Variants in COL26A1 observed in about 807,000 individuals in gnomAD.
The protein encoded by COL26A1 is collagen type XXVI alpha 1 chain.
COL26A1 carries 41 observed loss-of-function variants against 59.3 expected under a neutral mutation model. That is an observed-to-expected ratio of 0.69 (90% confidence interval 0.54 to 0.90). The LOEUF (loss-of-function observed/expected upper bound fraction) is 0.90. Among genes scored for constraint, COL26A1 ranks in the 40% least tolerant of loss-of-function variants. The probability of loss-of-function intolerance (pLI) is 0.00; values close to 1 mark genes in which losing one functional copy is unlikely to be tolerated. For synonymous variants in COL26A1, 266 were observed against 256.0 expected (o/e 1.04, Z -0.37); for missense variants, 612 against 602.3 (o/e 1.02, Z -0.17).
Position 101,447,799 on chromosome 7 carries a change from G to GCCCAA in COL26A1, c.385+12_385+13insCCCAA. 1 of 1,563,180 alleles carries GCCCAA rather than the reference G, an allele frequency of 6.4e-7. No homozygotes were observed. The highest frequency in any genetic ancestry group is 8.7e-7 in the Non-Finnish European group (1 of 1,145,266). On this transcript the variant is annotated intron_variant, in intron 3 of 12. Coordinates refer to ENST00000313669, the MANE Select transcript of COL26A1 (RefSeq NM_001278563.3). ...CAACTGTGATGAGGGTAAGTTGGCA[G>GCCCAA]GCACTTGGGCTGCAGGGGGCCAGGC...
At chr7:101,477,907 C>A (rs546411839) in intron 3 of COL26A1, among the ~76,000 whole-genome samples, 3 of 152,162 alleles carry the variant, frequency 2.0e-5, no homozygotes, top group Non-Finnish European at 4.4e-5. Context: ...ATTTGTTTTG[C>A]GGTTTCCACA....
In COL26A1 at chr7:101,543,979, T is replaced by C; in HGVS notation, c.605-19T>C. 6.5e-7 allele frequency: 1 copy of C among 1,531,178 alleles called. No homozygotes were observed. The highest frequency in any genetic ancestry group is 8.9e-7 in the Non-Finnish European group (1 of 1,129,348). 94.8% of individuals were successfully genotyped at this position (1,531,178 alleles called of 1,614,324 possible). ...GGGGGTCCACCATGTTCTGATGCCC[T>C]GTCTCCTTCTCTCCCCAGGGCCCCC... is the stretch of plus-strand genomic sequence containing the variant. On this transcript the variant is annotated intron_variant, in intron 5 of 12. Transcript: ENST00000313669.
intron 1 of COL26A1, among the ~76,000 whole-genome samples, chr7:101,385,060 G>C (rs767115660): frequency 5.3e-4 from 81 of 151,906 alleles, no homozygotes; most frequent in Non-Finnish European, 9.9e-4. Flanking sequence ...TTCTAGCCAC[G>C]CTGGCAGCCG....
At chr7:101,509,739 T>C (rs972021337) in intron 3 of COL26A1, among the ~76,000 whole-genome samples, 1 of 151,092 alleles carries the variant, frequency 6.6e-6, no homozygotes, top group Non-Finnish European at 1.5e-5. Flanking sequence ...GCTCTTTTAT[T>C]TTTTTTTTGA....
chr7:101,374,395 G>C (rs373349020), intron 1 of COL26A1, among the ~76,000 whole-genome samples: 1 of 152,172 alleles, frequency 6.6e-6, no homozygotes, highest in Non-Finnish European at 1.5e-5. Context: ...GACAAGTACC[G>C]GTTCAAGACC....
At chr7:101,525,843 T>C (rs1795236168) in intron 3 of COL26A1, among the ~76,000 whole-genome samples, 1 of 152,050 alleles carries the variant, frequency 6.6e-6, no homozygotes, top group African/African-American at 2.4e-5. Context: ...GAGACTTTCT[T>C]CCTTTGACCC....
chr7:101,488,377 T>TATAC (rs1396620345), intron 3 of COL26A1, among the ~76,000 whole-genome samples: 54 of 45,892 alleles, frequency 1.2e-3, no homozygotes, highest in African/African-American at 4.0e-3. Context: ...TATATATATA[T>TATAC]ACACACACAT....
chr7:101,489,799 T>C (rs946015484), intron 3 of COL26A1, among the ~76,000 whole-genome samples: 1 of 1,616 alleles, frequency 6.2e-4, no homozygotes, highest in Non-Finnish European at 1.7e-3. Flanking sequence ...TCTTTCTTTC[T>C]TTCTTTCTTT....
At chr7:101,363,293 G>C in intron 1 of COL26A1, 103 bp downstream of exon 1, 2 of 1,023,334 alleles carry the variant, frequency 2.0e-6, no homozygotes, top group Non-Finnish European at 1.3e-6. Context: ...GCTGGAGAGC[G>C]GGGCGATCCG....
At position 101,447,696 on chromosome 7, in the gene COL26A1, G is replaced by A; in HGVS notation, c.294G>A (p.Leu98=). ...GTCTGTGTGTTAGTTACAGGACTCT[G>A]ATCAGACCCACCTACAGAGTGTCCT... ...PCANLVSYRT[L]IRPTYRVSYR... is the part of the protein sequence containing the mutation. The change falls in exon 3 of 13, where the codon CTG becomes CTA. Residue 98 remains leucine (L), a synonymous_variant. Transcript: ENST00000313669. 6.3e-7 allele frequency: 1 copy of A among 1,598,738 alleles called. No homozygotes were observed. Among genetic ancestry groups the A allele is most frequent in the Non-Finnish European group, 8.5e-7 (1 of 1,172,592 alleles).
At chr7:101,387,624 T>C (rs1483544074) in intron 1 of COL26A1, among the ~76,000 whole-genome samples, 6 of 136,492 alleles carry the variant, frequency 4.4e-5, no homozygotes, top group Non-Finnish European at 7.7e-5. Context: ...AAGCATTCTC[T>C]CTCTCGCTCT....
intron 1 of COL26A1, among the ~76,000 whole-genome samples, chr7:101,408,180 A>AT (rs1226233590): frequency 5.9e-5 from 9 of 152,208 alleles, no homozygotes; most frequent in Non-Finnish European, 1.5e-5. Context: ...CCAGAGTCTA[A>AT]CATGGAGGGT....
At chr7:101,456,859 T>C (rs555895590) in intron 3 of COL26A1, among the ~76,000 whole-genome samples, 134 of 152,262 alleles carry the variant, frequency 8.8e-4, no homozygotes, top group African/African-American at 3.2e-3. Flanking sequence ...GATAAATGCA[T>C]ACTCATTTCC....
At chr7:101,428,153 A>G (rs1293801911) in intron 2 of COL26A1, among the ~76,000 whole-genome samples, 14 of 152,076 alleles carry the variant, frequency 9.2e-5, no homozygotes, top group Non-Finnish European at 1.8e-4. Flanking sequence ...GCCCTCTGAA[A>G]GAAATGACAG....
At chr7:101,550,230 G>A (rs1795831481) in intron 9 of COL26A1, among the ~76,000 whole-genome samples, 1 of 152,214 alleles carries the variant, frequency 6.6e-6, no homozygotes, top group Non-Finnish European at 1.5e-5. Context: ...GGAGGCTAAG[G>A]TGGGAGGATC....
At chr7:101,504,245 C>T (rs529450054) in intron 3 of COL26A1, among the ~76,000 whole-genome samples, 2 of 152,280 alleles carry the variant, frequency 1.3e-5, no homozygotes, top group Admixed American at 6.5e-5. Flanking sequence ...GAATTACAGG[C>T]GCGTGCCACC....
chr7:101,538,314 G>C (rs995162364), intron 4 of COL26A1, among the ~76,000 whole-genome samples: 2 of 152,214 alleles, frequency 1.3e-5, no homozygotes, highest in Non-Finnish European at 2.9e-5. Context: ...TGAGCCAGCT[G>C]TCCCCGCTCT....
intron 1 of COL26A1, among the ~76,000 whole-genome samples, chr7:101,373,264 C>G (rs573337737): frequency 6.6e-6 from 1 of 152,294 alleles, no homozygotes; most frequent in African/African-American, 2.4e-5. Context: ...TAGGCAGAGA[C>G]AGGCTACAGG....
Position 101,540,014 on chromosome 7 carries a change from C to T in COL26A1, c.569C>T (p.Pro190Leu), listed in dbSNP as rs1375447513. 6.2e-7 allele frequency: 1 copy of T among 1,613,530 alleles called. No individual in the cohort carries two copies. Among genetic ancestry groups the T allele is most frequent in the Non-Finnish European group, 8.5e-7 (1 of 1,179,818 alleles). The change falls in exon 5 of 13, where the codon CCT (proline) becomes CTT (leucine). Residue 190 changes from proline to leucine, a missense_variant. Coordinates refer to ENST00000313669, the MANE Select transcript of COL26A1 (RefSeq NM_001278563.3). Reference protein sequence around the residue: ...FLPDAIPLAHPVPRQRRPTGP... With the variant: ...FLPDAIPLAHLVPRQRRPTGP... ...CCCGACGCCATCCCTCTTGCTCACC[C>T]TGTGCCACGACAGAGAAGGCCCACG...
Sources: gnomAD v4.1 joint callset for allele counts (sites outside exome capture counted in the v4.1 genomes callset) on GRCh38, gnomAD v4.1.1 for gene constraint, MANE v1.5 for transcripts, NCBI Gene and HGNC (gene_info 2026-07-23, HGNC 2026-07-21) for gene names.